The following DNAH6 variants were observed in gnomAD, a reference collection of about 807,000 sequenced individuals.
DNAH6 encodes the protein dynein axonemal heavy chain 6.
DNAH6 carries 340 observed loss-of-function variants against 491.4 expected under a neutral mutation model. The ratio of observed to expected loss-of-function variants is 0.69; its 90% CI spans 0.63 to 0.76. The LOEUF is 0.76. Among genes scored for constraint, DNAH6 ranks in the 30% least tolerant of loss-of-function variants. The pLI is 0.00. For synonymous variants in DNAH6, 1,603 were observed against 1,686.1 expected (o/e 0.95, Z 1.21); for missense variants, 4,443 against 4,972.2 (o/e 0.89, Z 3.20).
intron 11 of DNAH6, among the ~76,000 whole-genome samples, chr2:84,564,602 G>A (rs1680992142): frequency 6.6e-6 from 1 of 152,154 alleles, no homozygotes; most frequent in African/African-American, 2.4e-5. Flanking sequence ...AGTCTTTAGG[G>A]GTTTTTAGGT....
At chr2:84,618,889 G>T (rs999924443) in intron 23 of DNAH6, among the ~76,000 whole-genome samples, 1 of 152,056 alleles carries the variant, frequency 6.6e-6, no homozygotes, top group Admixed American at 6.6e-5. Flanking sequence ...AGTCAGGTCC[G>T]CTATTGGAAC....
intron 11 of DNAH6, among the ~76,000 whole-genome samples, chr2:84,568,061 T>C (rs1242709589): frequency 6.6e-6 from 1 of 152,126 alleles, no homozygotes; most frequent in Non-Finnish European, 1.5e-5. Flanking sequence ...ATGGCAATTA[T>C]TAAAACGTTA....
intron 37 of DNAH6, among the ~76,000 whole-genome samples, chr2:84,660,216 T>C (rs1347921681): frequency 6.6e-6 from 1 of 152,112 alleles, no homozygotes; most frequent in Non-Finnish European, 1.5e-5. Flanking sequence ...CTATTTTATG[T>C]TGCATAGTAA....
intron 61 of DNAH6, among the ~76,000 whole-genome samples, chr2:84,732,337 A>G (rs937739641): frequency 2.0e-5 from 3 of 152,182 alleles, no homozygotes; most frequent in Non-Finnish European, 2.9e-5. Flanking sequence ...CTGGACACAA[A>G]TATTCATAAC....
At chr2:84,802,541 C>G (rs1239917011) in intron 70 of DNAH6, among the ~76,000 whole-genome samples, 2 of 151,792 alleles carry the variant, frequency 1.3e-5, no homozygotes, top group Admixed American at 6.6e-5. Context: ...TTGGAGCACT[C>G]AGATTTATAA....
At chr2:84,602,711 T>A (rs1338313656) in intron 18 of DNAH6, among the ~76,000 whole-genome samples, 1 of 151,756 alleles carries the variant, frequency 6.6e-6, no homozygotes, top group East Asian at 1.9e-4. Context: ...TCTTCTGCTC[T>A]GTTTTCTGTC....
At chr2:84,757,875 G>A (rs1365670875) in intron 63 of DNAH6, among the ~76,000 whole-genome samples, 4 of 152,040 alleles carry the variant, frequency 2.6e-5, no homozygotes, top group African/African-American at 4.8e-5. Flanking sequence ...ACAGGAAACC[G>A]CATGCTAATT....
intron 10 of DNAH6, among the ~76,000 whole-genome samples, chr2:84,554,246 A>AGT (rs1679803289): frequency 1.3e-5 from 2 of 152,154 alleles, no homozygotes; most frequent in Non-Finnish European, 2.9e-5. Context: ...ACTCGAAAAC[A>AGT]ACTGAGTTGG....
intron 76 of DNAH6, among the ~76,000 whole-genome samples, chr2:84,816,522 A>G (rs1014553592): frequency 1.1e-4 from 17 of 152,164 alleles, no homozygotes; most frequent in African/African-American, 4.1e-4. Context: ...TCAGGAGTTC[A>G]AGACTAGCCT....
intron 48 of DNAH6, 100 bp from the exon 49 acceptor site, chr2:84,700,997 G>A: frequency 1.5e-6 from 2 of 1,344,116 alleles, no homozygotes; most frequent in Non-Finnish European, 2.0e-6. Context: ...AGAGGGGACT[G>A]GGCAGGGAGG....
At position 84,713,172 on chromosome 2, in the gene DNAH6, C is replaced by G. The variant is rs1463177605; in HGVS notation, c.9456C>G (p.Ile3152Met). 1 of 1,551,832 alleles carries G rather than the reference C, an allele frequency of 6.4e-7. No homozygotes were observed. Among genetic ancestry groups the G allele is most frequent in the Non-Finnish European group, 8.7e-7 (1 of 1,146,968 alleles). ...TTATCAGTGGTGGCCGACTACTCATCCGTCTTGGAGACTCAGACATTGATT... is the reference window on the plus strand; with the variant it reads ...TTATCAGTGGTGGCCGACTACTCATGCGTCTTGGAGACTCAGACATTGATT... Reference protein sequence around the residue: ...QIFISGGRLLIRLGDSDIDYD... With the variant: ...QIFISGGRLLMRLGDSDIDYD... The change falls in exon 57 of 77, where the codon ATC becomes ATG. Residue 3152 changes from isoleucine to methionine, a missense_variant. Coordinates refer to ENST00000389394, the MANE Select transcript of DNAH6 (RefSeq NM_001370.2).
intron 70 of DNAH6, among the ~76,000 whole-genome samples, chr2:84,803,993 G>A (rs997512240): frequency 6.6e-5 from 10 of 152,218 alleles, no homozygotes; most frequent in Middle Eastern, 3.4e-3. Context: ...AGTCACTTGA[G>A]GCCAGGAGTT....
At chr2:84,656,242 C>T (rs1292947351) in intron 35 of DNAH6, among the ~76,000 whole-genome samples, 3 of 152,134 alleles carry the variant, frequency 2.0e-5, no homozygotes, top group Non-Finnish European at 2.9e-5. Context: ...ATGAATTAAA[C>T]TCTTAATAAG....
chr2:84,799,582 GAAC>G (rs915254685), intron 70 of DNAH6, among the ~76,000 whole-genome samples: 2 of 152,210 alleles, frequency 1.3e-5, no homozygotes, highest in African/African-American at 4.8e-5. Flanking sequence ...CTCCACCTTT[GAAC>G]AACTGCATCA....
intron 15 of DNAH6, among the ~76,000 whole-genome samples, chr2:84,586,474 A>T (rs1318651690): frequency 6.6e-6 from 1 of 152,212 alleles, no homozygotes. Flanking sequence ...GTATGTTCCT[A>T]AGATTTATGC....
chr2:84,708,977 C>T (rs931317607), intron 54 of DNAH6, among the ~76,000 whole-genome samples: 1 of 152,204 alleles, frequency 6.6e-6, no homozygotes. Context: ...ATTGCTTGTA[C>T]ACCCTCAGTC....
intron 38 of DNAH6, among the ~76,000 whole-genome samples, chr2:84,670,024 AT>A (rs1422533958): frequency 6.6e-6 from 1 of 152,240 alleles, no homozygotes; most frequent in African/African-American, 2.4e-5. Flanking sequence ...CCCCAAAAAA[AT>A]ATTCTAAAAG....
chr2:84,662,665 C>T (rs2104612812), intron 37 of DNAH6, among the ~76,000 whole-genome samples: 1 of 152,176 alleles, frequency 6.6e-6, no homozygotes, highest in East Asian at 1.9e-4. Flanking sequence ...CTGTAGACTC[C>T]ACCTCTGGGG....
rs148855109 is a variant in DNAH6 at position 84,700,559 on chromosome 2, C to T, written c.7819-538C>T. Reference sequence around the variant, plus strand: ...TAGAAAATGTAGAAGCATTTCTGGGCTGCACTAAGCTAATTATCAAAAATT... The same window carrying T: ...TAGAAAATGTAGAAGCATTTCTGGGTTGCACTAAGCTAATTATCAAAAATT... On this transcript the variant is annotated intron_variant, in intron 48 of 76. Coordinates refer to ENST00000389394, the MANE Select transcript of DNAH6 (RefSeq NM_001370.2). Among the ~76,000 whole-genome samples, 207 of 152,280 alleles carry T rather than the reference C, an allele frequency of 1.4e-3. 3 individuals are homozygous for T. The South Asian group carries it at 0.016, about 11-fold the overall frequency.
Sources: allele counts gnomAD v4.1 joint callset (sites outside exome capture counted in the v4.1 genomes callset), GRCh38; gene constraint gnomAD v4.1.1; transcripts MANE v1.5; gene names NCBI Gene and HGNC (gene_info 2026-07-23, HGNC 2026-07-21).